Variants in CHRNA9 observed in about 807,000 individuals in gnomAD.
CHRNA9 encodes the protein neuronal acetylcholine receptor subunit alpha-9.
In CHRNA9, 24 loss-of-function variants were observed where a neutral mutation model predicts 36.8. The observed-to-expected ratio is 0.65, with a 90% CI of 0.47 to 0.92. CHRNA9 has a LOEUF of 0.92. Ranked by LOEUF, CHRNA9 falls within the 40% of genes least tolerant of loss-of-function variation. The probability of loss-of-function intolerance (pLI) is 0.00; values close to 1 mark genes in which losing one functional copy is unlikely to be tolerated. For missense variants in CHRNA9, 610 were observed against 601.2 expected (o/e 1.01, Z -0.15); for synonymous variants, 231 against 231.8 (o/e 1.00, Z 0.03).
chr4:40,343,170 C>T lies in CHRNA9; in HGVS notation c.366-5712C>T, dbSNP rs78054391. 5.0e-3 allele frequency among the ~76,000 whole-genome samples: 763 copies of T among 152,292 alleles called. 2 individuals are homozygous for T. Among genetic ancestry groups the T allele is most frequent in the African/African-American group, 0.017 (701 of 41,572 alleles). On this transcript the variant is annotated intron_variant, in intron 3 of 4. Transcript: ENST00000310169. Reference sequence around the variant, plus strand: ...CAGCCAAGGCTGGGAAAGTCATTTTCGCTCAATTGCAAAACAACTAAAGTT... The same window carrying T: ...CAGCCAAGGCTGGGAAAGTCATTTTTGCTCAATTGCAAAACAACTAAAGTT...
At chr4:40,352,375 A>C (rs6447483) in intron 4 of CHRNA9, among the ~76,000 whole-genome samples, 140,150 of 152,038 alleles carry the variant, frequency 0.92, 64,772 homozygotes, top group East Asian at 1. Flanking sequence ...GCACGTGCCA[A>C]TACACCCAGC....
rs779214953 is a variant in CHRNA9, at chr4:40,355,003, T to A, written c.*483T>A. 1.9e-5 allele frequency: 3 copies of A among 154,188 alleles called. No individual in the cohort carries two copies. 9.6% of individuals were successfully genotyped at this position (154,188 alleles called of 1,614,324 possible). On this transcript the variant is annotated 3_prime_UTR_variant, in exon 5 of 5. Coordinates refer to ENST00000310169, the MANE Select transcript of CHRNA9 (RefSeq NM_017581.4). ...GCATTTGAAGTCATATCTCAAATAG[T>A]GGAATAAAAGGTTTTGTCCCATGTA...
chr4:40,347,556 T>G (rs866417830), intron 3 of CHRNA9, among the ~76,000 whole-genome samples: 1 of 152,238 alleles, frequency 6.6e-6, no homozygotes, highest in Non-Finnish European at 1.5e-5. Flanking sequence ...CTCATCTTTT[T>G]TTTCCCTTTT....
At position 40,354,562 on chromosome 4, in the gene CHRNA9, A is replaced by C. The variant is rs373316531; in HGVS notation, c.*42A>C. ...TGCTATCTGGGTAGAAATTAATACAATTCCCTGTGATCTATTCCAATGTTC... is the reference window on the plus strand; with the variant it reads ...TGCTATCTGGGTAGAAATTAATACACTTCCCTGTGATCTATTCCAATGTTC... On this transcript the variant is annotated 3_prime_UTR_variant, in exon 5 of 5. Transcript: ENST00000310169. 6.9e-7 allele frequency: 1 copy of C among 1,450,762 alleles called. No homozygotes were observed. Among genetic ancestry groups the C allele is most frequent in the Non-Finnish European group, 9.5e-7 (1 of 1,052,330 alleles). The allele number at this position is 1,450,762 out of a possible 1,614,324, so 89.9% of individuals were successfully genotyped here.
At chr4:40,353,897 G>A in intron 4 of CHRNA9, 82 bp from the exon 5 acceptor site, 2 of 1,225,260 alleles carry the variant, frequency 1.6e-6, no homozygotes, top group South Asian at 1.4e-5. Context: ...TTCTCAGAAT[G>A]TATCCCTGTT....
rs1286887134 is a variant in CHRNA9, at chr4:40,349,047, C to T, written c.531C>T (p.Thr177=). ...GCAACCTGACTTTTGGTTCCTGGAC[C>T]TACAATGGCAATCAGGTGGACATAT... ...QQCNLTFGSW[T]YNGNQVDIFN... Residue 177 remains threonine (T), a synonymous_variant, in exon 4 of 5, where the codon ACC becomes ACT. Coordinates refer to ENST00000310169, the MANE Select transcript of CHRNA9 (RefSeq NM_017581.4). 6.2e-7 allele frequency: 1 copy of T among 1,614,120 alleles called. No homozygotes were observed. Among genetic ancestry groups the T allele is most frequent in the South Asian group, 1.1e-5 (1 of 91,080 alleles).
At chr4:40,335,725 C>T in intron 1 of CHRNA9, 102 bp from the exon 2 acceptor site, 3 of 1,225,578 alleles carry the variant, frequency 2.4e-6, no homozygotes, top group East Asian at 2.3e-5. Context: ...TGTCCCTCGC[C>T]AGTGTTGGGC....
chr4:40,349,335 G>A lies in CHRNA9; in HGVS notation c.819G>A (p.Val273=). ...CCGGAGAAAAGGTCTCCCTGGGAGT[G>A]ACCATCCTGTTGGCCATGACTGTAT... The part of the protein sequence containing the change: ...AASGEKVSLG[V]TILLAMTVFQ... Residue 273 remains valine, a synonymous_variant, in exon 4 of 5, where the codon GTG becomes GTA. Transcript: ENST00000310169. 1 of 1,614,078 alleles carries A rather than the reference G, an allele frequency of 6.2e-7. No individual in the cohort carries two copies. Among genetic ancestry groups the A allele is most frequent in the Non-Finnish European group, 8.5e-7 (1 of 1,179,978 alleles).
intron 4 of CHRNA9, chr4:40,349,733 C>T (rs2109687998): frequency 3.9e-6 from 1 of 258,212 alleles, no homozygotes; most frequent in South Asian, 9.4e-5. Context: ...AACACAAAAC[C>T]TCAGGGCCCA....
At chr4:40,350,868 T>C (rs1712782922) in intron 4 of CHRNA9, among the ~76,000 whole-genome samples, 1 of 152,122 alleles carries the variant, frequency 6.6e-6, no homozygotes, top group Non-Finnish European at 1.5e-5. Context: ...GGAAAGATCA[T>C]GGGGCGGTCC....
At chr4:40,337,855 C>T (rs138818451) in intron 3 of CHRNA9, among the ~76,000 whole-genome samples, 7 of 152,302 alleles carry the variant, frequency 4.6e-5, no homozygotes, top group African/African-American at 1.7e-4. Context: ...TTCATCTTCA[C>T]ATGGCATTCT....
chr4:40,339,688 G>T (rs1020173354), intron 3 of CHRNA9, among the ~76,000 whole-genome samples: 1 of 149,384 alleles, frequency 6.7e-6, no homozygotes, highest in Admixed American at 6.6e-5. Context: ...AAAAGGCGGG[G>T]TCTCACTCCT....
At chr4:40,349,602 T>G (rs1403704229) in intron 4 of CHRNA9, 188 bp downstream of exon 4, 1 of 583,896 alleles carries the variant, frequency 1.7e-6, no homozygotes, top group African/African-American at 1.9e-5. Context: ...CAATCAAAAC[T>G]GGTCTTATGG....
intron 3 of CHRNA9, among the ~76,000 whole-genome samples, chr4:40,342,933 G>T (rs1712541157): frequency 6.6e-6 from 1 of 152,052 alleles, no homozygotes; most frequent in Non-Finnish European, 1.5e-5. Context: ...GAAGAGAGAG[G>T]GGGGAACTTC....
At chr4:40,337,918 A>G (rs1186114974) in intron 3 of CHRNA9, 1 of 152,442 alleles carries the variant, frequency 6.6e-6, no homozygotes, top group Non-Finnish European at 1.5e-5. Flanking sequence ...CACCAGCCAT[A>G]TTGGATTAGA....
chr4:40,337,407 T>C, intron 3 of CHRNA9, 43 bp downstream of exon 3: 2 of 1,575,928 alleles, frequency 1.3e-6, no homozygotes, highest in Non-Finnish European at 1.7e-6. Context: ...CATGAACGTG[T>C]TGATTTCATA....
At chr4:40,348,551 G>A (rs947899097) in intron 3 of CHRNA9, among the ~76,000 whole-genome samples, 2 of 152,126 alleles carry the variant, frequency 1.3e-5, no homozygotes, top group African/African-American at 2.4e-5. Flanking sequence ...AATCAAGTAA[G>A]CAGATTTTAG....
At position 40,354,605 on chromosome 4, in the gene CHRNA9, A is replaced by T; in HGVS notation, c.*85A>T. The T allele has an allele frequency of 8.3e-7, 1 of 1,205,738 alleles. No individual in the cohort carries two copies. 74.7% of individuals were successfully genotyped at this position (1,205,738 alleles called of 1,614,324 possible). A position where few individuals can be genotyped will look rare whatever the true frequency, so the allele number is the denominator to read the frequency against. ...CAATGTTCTTCCAAGATTTTTGTTC[A>T]TCTATAATTTAGGGGTTATGTTGTC... On this transcript the variant is annotated 3_prime_UTR_variant, in exon 5 of 5. Transcript: ENST00000310169.
intron 3 of CHRNA9, among the ~76,000 whole-genome samples, chr4:40,347,539 A>AT (rs1351651379): frequency 1.3e-5 from 2 of 152,194 alleles, no homozygotes; most frequent in Non-Finnish European, 2.9e-5. Flanking sequence ...ATTTTTAAAA[A>AT]TTTTGTCTCA....
Sources: gnomAD v4.1 joint callset for allele counts (sites outside exome capture counted in the v4.1 genomes callset) on GRCh38, gnomAD v4.1.1 for gene constraint, MANE v1.5 for transcripts, NCBI Gene and HGNC (gene_info 2026-07-23, HGNC 2026-07-21) for gene names.